Variants in ZNF407 observed in about 807,000 individuals in gnomAD.
ZNF407 encodes zinc finger protein 407.
ZNF407 carries 17 observed loss-of-function variants against 131.2 expected under a neutral mutation model. The ratio of observed to expected loss-of-function variants is 0.13; its 90% CI spans 0.09 to 0.19. ZNF407 has a LOEUF of 0.19. ZNF407 is among the 10% of genes least tolerant of loss of function. The pLI is 1.00. For synonymous variants in ZNF407, 1,156 were observed against 1,062.0 expected (o/e 1.09, Z -1.72); for missense variants, 2,681 against 2,830.6 (o/e 0.95, Z 1.20).
chr18:74,925,225 A>AT (rs1971898044), intron 8 of ZNF407, among the ~76,000 whole-genome samples: 1 of 152,172 alleles, frequency 6.6e-6, no homozygotes, highest in African/African-American at 2.4e-5. Flanking sequence ...ACATTAGATT[A>AT]TTACCTGTGC....
intron 8 of ZNF407, among the ~76,000 whole-genome samples, chr18:74,947,326 T>C (rs761855891): frequency 2.6e-5 from 4 of 152,126 alleles, no homozygotes; most frequent in Non-Finnish European, 5.9e-5. Flanking sequence ...AAAAATATTA[T>C]GAAGTAAGAG....
Position 75,048,256 on chromosome 18 carries a change from C to G in ZNF407, c.5429-14894C>G, listed in dbSNP as rs1973458749. 6.6e-6 allele frequency among the ~76,000 whole-genome samples: 1 copy of G among 152,180 alleles called. No individual in the cohort carries two copies. The highest frequency in any genetic ancestry group is 2.4e-5 in the African/African-American group (1 of 41,448). ...TGATTTCACTGATTAATTTCGTGGT[C>G]TTTCTGGTATTATGCGTCAGAGGCC... On this transcript the variant is annotated intron_variant, in intron 8 of 8. Coordinates refer to ENST00000299687, the MANE Select transcript of ZNF407 (RefSeq NM_017757.3). This position sits in a 1 kb window ranked among gnomAD's most constrained non-coding sequence, Gnocchi z 4.1.
chr18:74,865,861 CAT>C (rs1314677141), intron 4 of ZNF407, among the ~76,000 whole-genome samples: 1 of 152,208 alleles, frequency 6.6e-6, no homozygotes, highest in Non-Finnish European at 1.5e-5. Context: ...TGATACCTCA[CAT>C]ATGTGTGTAT....
At chr18:74,688,873 G>T (rs1404708418) in intron 3 of ZNF407, among the ~76,000 whole-genome samples, 3 of 152,076 alleles carry the variant, frequency 2.0e-5, no homozygotes, top group African/African-American at 7.2e-5. Context: ...CTGTCACCCA[G>T]GCTAGAGTGC....
chr18:74,804,150 T>C (rs1316091237), intron 4 of ZNF407: 1 of 1,483,746 alleles, frequency 6.7e-7, no homozygotes, highest in Non-Finnish European at 9.0e-7. Flanking sequence ...TTTTTTTTTT[T>C]CCTTTTATCT....
chr18:74,719,524 C>T (rs1205731821), intron 3 of ZNF407, among the ~76,000 whole-genome samples: 6 of 152,178 alleles, frequency 3.9e-5, no homozygotes, highest in Non-Finnish European at 1.5e-5. Flanking sequence ...CTCAGTCTCC[C>T]GAGTACCTGG....
intron 3 of ZNF407, among the ~76,000 whole-genome samples, chr18:74,711,376 C>T (rs1346347711): frequency 6.6e-6 from 1 of 152,026 alleles, no homozygotes; most frequent in Non-Finnish European, 1.5e-5. Context: ...CTGGAGGGGC[C>T]CAATGTGATC....
At chr18:74,905,827 G>A (rs548270302) in intron 7 of ZNF407, 2 of 152,284 alleles carry the variant, frequency 1.3e-5, no homozygotes, top group African/African-American at 4.8e-5. Flanking sequence ...AAGATTTAGA[G>A]CAAGGTGATC....
intron 3 of ZNF407, among the ~76,000 whole-genome samples, chr18:74,743,315 G>A (rs544224138): frequency 6.6e-6 from 1 of 152,120 alleles, no homozygotes; most frequent in African/African-American, 2.4e-5. Flanking sequence ...TACTGAACTC[G>A]GAAGGGGATT....
intron 4 of ZNF407, among the ~76,000 whole-genome samples, chr18:74,846,345 C>CTT (rs538147066): frequency 1.4e-5 from 2 of 145,094 alleles, no homozygotes; most frequent in South Asian, 2.2e-4. Flanking sequence ...GTTAAAACGT[C>CTT]TTTTTTTTTT....
chr18:74,955,622 T>C (rs773210000), intron 8 of ZNF407, among the ~76,000 whole-genome samples: 5 of 152,162 alleles, frequency 3.3e-5, no homozygotes, highest in African/African-American at 1.2e-4. Flanking sequence ...AAATAAAAGG[T>C]TAAGTCCTGT....
Position 74,623,257 on chromosome 18 carries a change from T to A in ZNF407, c.-53-7710T>A, listed in dbSNP as rs946246004. ...GGGTGTTAGTGTGTGTGCATGTGAGTGTGTGTGTGCATGAGTGTGAGACTG... is the reference window on the plus strand; with the variant it reads ...GGGTGTTAGTGTGTGTGCATGTGAGAGTGTGTGTGCATGAGTGTGAGACTG... On this transcript the variant is annotated intron_variant, in intron 1 of 8. Coordinates refer to ENST00000299687, the MANE Select transcript of ZNF407 (RefSeq NM_017757.3). Among the ~76,000 whole-genome samples, 4 of 148,190 alleles carry A rather than the reference T, an allele frequency of 2.7e-5. No homozygotes were observed. In the East Asian group the frequency reaches 5.8e-4, roughly 22 times the overall value.
At chr18:74,671,297 T>A (rs1287152602) in intron 3 of ZNF407, among the ~76,000 whole-genome samples, 1 of 152,212 alleles carries the variant, frequency 6.6e-6, no homozygotes. Context: ...CAGAATAATA[T>A]TCTGTTGTAC....
At position 75,064,352 on chromosome 18, in the gene ZNF407, G is replaced by A. The variant is rs567633368; in HGVS notation, c.6631G>A (p.Gly2211Arg). 3.2e-5 allele frequency: 51 copies of A among 1,586,622 alleles called. No homozygotes were observed. Among genetic ancestry groups the A allele is most frequent in the South Asian group, 6.9e-5 (6 of 87,012 alleles). Residue 2211 changes from glycine to arginine, a missense_variant, in exon 9 of 9, where the codon GGG (glycine) becomes AGG (arginine). This residue lies in a region of ZNF407 where 620 missense variants were observed against 583.1 expected (regional missense o/e 1.06). Coordinates refer to ENST00000299687, the MANE Select transcript of ZNF407 (RefSeq NM_017757.3). ...CGGGGCCACGCTAGGCACAGAGGCC[G>A]GGGCCCCAAGCAGGGCAGAGCAGCT... Reference protein sequence around the residue: ...QAGATLGTEAGAPSRAEQLAS... With the variant: ...QAGATLGTEARAPSRAEQLAS...
At chr18:75,003,135 A>G (rs967434969) in intron 8 of ZNF407, among the ~76,000 whole-genome samples, 1 of 152,260 alleles carries the variant, frequency 6.6e-6, no homozygotes, top group Non-Finnish European at 1.5e-5. Context: ...TTTCCTAACA[A>G]ACATTTCAAT....
chr18:74,934,581 G>T (rs1173489602), intron 8 of ZNF407, among the ~76,000 whole-genome samples: 1 of 152,204 alleles, frequency 6.6e-6, no homozygotes, highest in African/African-American at 2.4e-5. Context: ...GGCCAAGGCG[G>T]GTGGATCACC....
intron 4 of ZNF407, among the ~76,000 whole-genome samples, chr18:74,873,840 C>T (rs926185899): frequency 4.6e-5 from 7 of 152,114 alleles, no homozygotes; most frequent in Non-Finnish European, 8.8e-5. Flanking sequence ...ATCTCAGTGC[C>T]AGGAACTCTG....
chr18:74,618,291 C>T (rs1261337786), intron 1 of ZNF407, among the ~76,000 whole-genome samples: 2 of 152,186 alleles, frequency 1.3e-5, no homozygotes, highest in African/African-American at 4.8e-5. Flanking sequence ...TCCCAGTGGG[C>T]TTTCAGTTGG....
At chr18:74,608,606 C>G (rs1199195020) in intron 1 of ZNF407, among the ~76,000 whole-genome samples, 2 of 152,190 alleles carry the variant, frequency 1.3e-5, no homozygotes, top group African/African-American at 4.8e-5. Flanking sequence ...CTTGGCCTCT[C>G]AAAGTGCTGG....
Sources: allele counts gnomAD v4.1 joint callset (sites outside exome capture counted in the v4.1 genomes callset), GRCh38; gene constraint gnomAD v4.1.1; regional missense constraint gnomAD v4.1.1; non-coding constraint Gnocchi (gnomAD v3.1); transcripts MANE v1.5; gene names NCBI Gene and HGNC (gene_info 2026-07-23, HGNC 2026-07-21).